RANBP17: variants seen among roughly 807,000 people sequenced by gnomAD.
RANBP17 encodes the protein ran-binding protein 17.
Under a neutral mutation model 141.2 loss-of-function variants are expected in RANBP17, and 158 were observed. The ratio of observed to expected loss-of-function variants is 1.12; its 90% CI spans 0.98 to 1.28. The LOEUF (loss-of-function observed/expected upper bound fraction) is 1.28. RANBP17 is among the 50% of genes most tolerant of loss of function. RANBP17 has a pLI of 0.00. For synonymous variants in RANBP17, 430 were observed against 450.0 expected (o/e 0.96, Z 0.56); for missense variants, 1,438 against 1,290.7 (o/e 1.11, Z -1.75).
intron 25 of RANBP17, among the ~76,000 whole-genome samples, chr5:171,274,149 T>TGTGTGTGCGC (rs34291143): frequency 8.4e-4 from 107 of 126,788 alleles, no homozygotes; most frequent in Non-Finnish European, 1.5e-3. Context: ...TGTGTGTGTG[T>TGTGTGTGCGC]GCGCGCGCGC....
chr5:170,971,752 C>G (rs562093125), intron 14 of RANBP17, among the ~76,000 whole-genome samples: 1 of 152,262 alleles, frequency 6.6e-6, no homozygotes, highest in East Asian at 1.9e-4. Flanking sequence ...TCTTCTGCCC[C>G]TTTCTTTTTA....
At chr5:171,089,831 T>C (rs189246354) in intron 14 of RANBP17, among the ~76,000 whole-genome samples, 3,016 of 152,286 alleles carry the variant, frequency 0.02, 92 homozygotes, top group African/African-American at 0.067. Flanking sequence ...GCACGGTGCG[T>C]GCACCCACTG....
intron 14 of RANBP17, among the ~76,000 whole-genome samples, chr5:170,982,827 T>C (rs1170838843): frequency 6.6e-6 from 1 of 152,110 alleles, no homozygotes; most frequent in Non-Finnish European, 1.5e-5. Context: ...AGGAGATCCT[T>C]AAAGCTTCCA....
intron 7 of RANBP17, chr5:170,911,460 GTTTATGATCAT>G (rs1219317166): frequency 2.7e-5 from 18 of 656,952 alleles, no homozygotes; most frequent in Non-Finnish European, 5.2e-5. Flanking sequence ...ATCCCACTCT[GTTTATGATCAT>G]TTTCAGGTGC....
chr5:171,293,734 A>G, intron 25 of RANBP17, 149 bp from the exon 26 acceptor site: 1 of 626,240 alleles, frequency 1.6e-6, no homozygotes, highest in Non-Finnish European at 2.9e-6. Context: ...GCAGCCTTAT[A>G]AGCTTCCAGA....
intron 18 of RANBP17, among the ~76,000 whole-genome samples, chr5:171,196,006 C>T (rs113181618): frequency 1.8e-3 from 273 of 152,304 alleles, no homozygotes; most frequent in Non-Finnish European, 3.1e-3. Context: ...GAGTGTCAGA[C>T]CTTATTCAAG....
intron 25 of RANBP17, among the ~76,000 whole-genome samples, chr5:171,279,924 A>G (rs1327431580): frequency 6.6e-6 from 1 of 152,022 alleles, no homozygotes; most frequent in Admixed American, 6.6e-5. Flanking sequence ...CAGGGCCTTA[A>G]CCTACTATTT....
intron 13 of RANBP17, among the ~76,000 whole-genome samples, chr5:170,967,593 T>C (rs1776672485): frequency 6.6e-6 from 1 of 151,200 alleles, no homozygotes; most frequent in East Asian, 1.9e-4. Flanking sequence ...TAATCTTCAG[T>C]TCATTTATAA....
chr5:170,946,209 T>G (rs1185237976), intron 12 of RANBP17, among the ~76,000 whole-genome samples: 1 of 152,156 alleles, frequency 6.6e-6, no homozygotes, highest in African/African-American at 2.4e-5. Context: ...TGCTATTATT[T>G]TTAATAGTAA....
intron 3 of RANBP17, among the ~76,000 whole-genome samples, chr5:170,885,957 C>T (rs906421333): frequency 4.6e-5 from 7 of 150,866 alleles, no homozygotes; most frequent in Non-Finnish European, 1.0e-4. Flanking sequence ...TCATGCACAA[C>T]ATCTGGACAG....
chr5:171,143,945 G>T (rs1381366912), intron 14 of RANBP17, among the ~76,000 whole-genome samples: 1 of 152,148 alleles, frequency 6.6e-6, no homozygotes, highest in Non-Finnish European at 1.5e-5. Context: ...AGAGGGACTG[G>T]GGGTGTAAAA....
chr5:171,285,890 T>A (rs1177519364), intron 25 of RANBP17, among the ~76,000 whole-genome samples: 1 of 152,256 alleles, frequency 6.6e-6, no homozygotes, highest in Non-Finnish European at 1.5e-5. Context: ...TTACATGCAG[T>A]ACTCTCAATT....
intron 12 of RANBP17, among the ~76,000 whole-genome samples, chr5:170,928,068 G>A (rs1773069869): frequency 2.0e-5 from 3 of 152,196 alleles, no homozygotes; most frequent in Non-Finnish European, 1.5e-5. Flanking sequence ...GGTGTCTAGT[G>A]TTATCTCACT....
intron 14 of RANBP17, among the ~76,000 whole-genome samples, chr5:171,104,148 C>A (rs1034683551): frequency 1.6e-4 from 24 of 152,220 alleles, no homozygotes; most frequent in African/African-American, 5.8e-4. Flanking sequence ...AGTGATTCTG[C>A]TGCCTCAGCC....
At chr5:171,059,679 A>G (rs1783672663) in intron 14 of RANBP17, among the ~76,000 whole-genome samples, 2 of 149,422 alleles carry the variant, frequency 1.3e-5, no homozygotes, top group East Asian at 4.0e-4. Context: ...ACTTTAAAGT[A>G]GTTTTTTCCA....
Position 171,231,199 on chromosome 5 carries a change from T to C in RANBP17, c.2422+9359T>C, listed in dbSNP as rs1053508717. ...CCTTACCTCAAGCAATCCTCCGCACTCAGCCTCCCAAAGTCCTTGGATCAC... is the reference window on the plus strand; with the variant it reads ...CCTTACCTCAAGCAATCCTCCGCACCCAGCCTCCCAAAGTCCTTGGATCAC... On this transcript the variant is annotated intron_variant, in intron 22 of 27. Transcript: ENST00000523189. Among the ~76,000 whole-genome samples the C allele has an allele frequency of 3.3e-5, 5 of 149,334 alleles. No individual in the cohort carries two copies. In the East Asian group the frequency reaches 1.0e-3, roughly 30 times the overall value.
At chr5:171,137,604 G>GTGTGTC (rs57995038) in intron 14 of RANBP17, among the ~76,000 whole-genome samples, 2 of 142,066 alleles carry the variant, frequency 1.4e-5, no homozygotes, top group East Asian at 2.2e-4. Context: ...GTGTGTGTGT[G>GTGTGTC]TCTGTGTGTG....
chr5:171,020,375 T>G (rs1338523854), intron 14 of RANBP17, among the ~76,000 whole-genome samples: 2 of 152,164 alleles, frequency 1.3e-5, no homozygotes, highest in Admixed American at 1.3e-4. Context: ...GGTGTTAAAG[T>G]CTCCCATTAT....
In RANBP17 at chr5:170,878,388, G is replaced by C. The variant is rs533068615; in HGVS notation, c.165+145G>C. The C allele has an allele frequency of 1.5e-5, 9 of 614,986 alleles. No individual in the cohort carries two copies. The East Asian group carries it at 2.9e-4, about 20-fold the overall frequency. 38.1% of individuals were successfully genotyped at this position (614,986 alleles called of 1,614,324 possible). A position where few individuals can be genotyped will look rare whatever the true frequency, so the allele number is the denominator to read the frequency against. ...TGAAACTATAGTTTCACTGTCAAAG[G>C]GGTTAATCAGGAAAAGAATTGGAAA... is the stretch of plus-strand genomic sequence containing the variant. On this transcript the variant is annotated intron_variant, in intron 2 of 27. Transcript: ENST00000523189.
Sources: allele counts gnomAD v4.1 joint callset (sites outside exome capture counted in the v4.1 genomes callset), GRCh38; gene constraint gnomAD v4.1.1; transcripts MANE v1.5; gene names NCBI Gene and HGNC (gene_info 2026-07-23, HGNC 2026-07-21).